The following PCDHGB5 variants were observed in gnomAD, a reference collection of about 807,000 sequenced individuals.
PCDHGB5 encodes protocadherin gamma-B5.
PCDHGB5 carries 48 observed loss-of-function variants against 62.9 expected under a neutral mutation model. The observed-to-expected ratio is 0.76, with a 90% CI of 0.61 to 0.97. The LOEUF is 0.97. Ranked by LOEUF, PCDHGB5 falls within the 50% of genes least tolerant of loss-of-function variation. The probability of loss-of-function intolerance (pLI) is 0.00; values close to 1 mark genes in which losing one functional copy is unlikely to be tolerated. For missense variants in PCDHGB5, 1,118 were observed against 1,198.6 expected, an observed-to-expected ratio of 0.93 and a Z score of 0.99; for synonymous variants, 474 against 511.2, an observed-to-expected ratio of 0.93 and a Z score of 0.98.
intron 1 of PCDHGB5, chr5:141,415,035 C>G (rs368588973): frequency 5.6e-6 from 9 of 1,613,578 alleles, no homozygotes; most frequent in South Asian, 1.1e-5. Context: ...AGCCGGGACT[C>G]TTCGCGGTGG....
In PCDHGB5 at chr5:141,490,679, A is replaced by C; in HGVS notation, c.2398-4128A>C. On this transcript the variant is annotated intron_variant, in intron 1 of 3. Coordinates refer to ENST00000617380, the MANE Select transcript of PCDHGB5 (RefSeq NM_018925.3). The surrounding 1 kb of genome is among the most constrained non-coding windows in gnomAD (Gnocchi z 5.4). ...CTTCTTTGCACTGTGGCTGCCTCAG[A>C]TCCAGACACTGGGGATAATGCCCGC... 6.2e-7 allele frequency: 1 copy of C among 1,614,164 alleles called. No individual in the cohort carries two copies. The highest frequency in any genetic ancestry group is 8.5e-7 in the Non-Finnish European group (1 of 1,180,034).
intron 1 of PCDHGB5, chr5:141,410,723 T>G: frequency 7.2e-7 from 1 of 1,391,168 alleles, no homozygotes; most frequent in Non-Finnish European, 9.6e-7. Context: ...ATGTTTAAAA[T>G]CCATAGCTTT....
At chr5:141,441,797 G>T in intron 1 of PCDHGB5, 1 of 386,536 alleles carries the variant, frequency 2.6e-6, no homozygotes, top group Non-Finnish European at 5.2e-6. Context: ...ACAACGCACC[G>T]CGGGTGCTGT....
intron 1 of PCDHGB5, among the ~76,000 whole-genome samples, chr5:141,448,476 G>A (rs1002358317): frequency 1.3e-5 from 2 of 151,976 alleles, no homozygotes; most frequent in African/African-American, 4.8e-5. Flanking sequence ...TTCCACCCTT[G>A]CTTCCTCCTG....
intron 1 of PCDHGB5, among the ~76,000 whole-genome samples, chr5:141,445,871 T>C (rs1318495005): frequency 6.6e-6 from 1 of 152,198 alleles, no homozygotes; most frequent in Non-Finnish European, 1.5e-5. Context: ...TTGTTCTAAA[T>C]ACCCTTGTAC....
Position 141,476,667 on chromosome 5 carries a change from T to C in PCDHGB5, c.2398-18140T>C. 6.2e-7 allele frequency: 1 copy of C among 1,614,234 alleles called. No individual in the cohort carries two copies. Among genetic ancestry groups the C allele is most frequent in the Non-Finnish European group, 8.5e-7 (1 of 1,180,042 alleles). ...CGAAATGAATACTTTGCGCTTCGCG[T>C]GCAGACGCGGGAGGACAGCACCAAG... On this transcript the variant is annotated intron_variant, in intron 1 of 3. Transcript: ENST00000617380. The surrounding 1 kb of genome is among the most constrained non-coding windows in gnomAD (Gnocchi z 7.6).
In PCDHGB5 at chr5:141,432,469, C is replaced by A; in HGVS notation, c.2397+31945C>A. On this transcript the variant is annotated intron_variant, in intron 1 of 3. Coordinates refer to ENST00000617380, the MANE Select transcript of PCDHGB5 (RefSeq NM_018925.3). The surrounding 1 kb of genome is among the most constrained non-coding windows in gnomAD (Gnocchi z 6.0). ...TCCTGTACCCCGCCCTCCCCACGGA[C>A]GGTTCCACTGGCGTGGAGCTGGCTC... 6.2e-7 allele frequency: 1 copy of A among 1,614,218 alleles called. No individual in the cohort carries two copies.
At chr5:141,506,092 G>A (rs1595997534) in intron 3 of PCDHGB5, among the ~76,000 whole-genome samples, 1 of 152,142 alleles carries the variant, frequency 6.6e-6, no homozygotes, top group Admixed American at 6.6e-5. Flanking sequence ...TTCGGCTAGT[G>A]GTGGTTGTCC....
chr5:141,431,189 G>A lies in PCDHGB5; in HGVS notation c.2397+30665G>A. 2 of 1,614,208 alleles carry A rather than the reference G, an allele frequency of 1.2e-6. No homozygotes were observed. The highest frequency in any genetic ancestry group is 1.7e-6 in the Non-Finnish European group (2 of 1,180,036). On this transcript the variant is annotated intron_variant, in intron 1 of 3. Transcript: ENST00000617380. This position sits in a 1 kb window ranked among gnomAD's most constrained non-coding sequence, Gnocchi z 4.8. ...AAGTGAATTAGAAATAAAAATTAGT[G>A]AAAATGCAGCCACTGAGATGCGGTT...
intron 1 of PCDHGB5, chr5:141,404,821 A>C: frequency 6.2e-7 from 1 of 1,613,788 alleles, no homozygotes; most frequent in Non-Finnish European, 8.5e-7. Flanking sequence ...GGCTGCACAC[A>C]GGTGAAGTGC....
chr5:141,420,004 G>C (rs768411058), intron 1 of PCDHGB5: 4 of 1,614,084 alleles, frequency 2.5e-6, no homozygotes, highest in Non-Finnish European at 3.4e-6. Flanking sequence ...CTCTACGCCT[G>C]CGACAGTCTT....
Position 141,485,064 on chromosome 5 carries a change from G to C in PCDHGB5, c.2398-9743G>C, listed in dbSNP as rs1205637757. On this transcript the variant is annotated intron_variant, in intron 1 of 3. Transcript: ENST00000617380. The surrounding 1 kb of genome is among the most constrained non-coding windows in gnomAD (Gnocchi z 5.7). ...TTGCGGCGCCGGCCGAACCGCGCCA[G>C]AGCTGGCGCGGGGAAAGGGAGATAG... The C allele has an allele frequency of 4.9e-5, 43 of 882,320 alleles. No individual in the cohort carries two copies. The highest frequency in any genetic ancestry group is 7.4e-5 in the Non-Finnish European group (41 of 557,230). 54.7% of individuals were successfully genotyped at this position (882,320 alleles called of 1,614,324 possible).
intron 1 of PCDHGB5, chr5:141,428,054 G>A (rs763394113): frequency 6.2e-7 from 1 of 1,609,038 alleles, no homozygotes; most frequent in Admixed American, 1.7e-5. Context: ...CCAAGGTGGT[G>A]GCGGTGGACG....
chr5:141,477,878 C>A lies in PCDHGB5; in HGVS notation c.2398-16929C>A. ...GCTGCCTCGAGGTACCTCAGCTGGC[C>A]ACCTAGTGTCACGGGTGGTAGGCTG... is the stretch of plus-strand genomic sequence containing the variant. On this transcript the variant is annotated intron_variant, in intron 1 of 3. Transcript: ENST00000617380. The surrounding 1 kb of genome is among the most constrained non-coding windows in gnomAD (Gnocchi z 4.9). 1.2e-6 allele frequency: 2 copies of A among 1,614,158 alleles called. No individual in the cohort carries two copies. Among genetic ancestry groups the A allele is most frequent in the Non-Finnish European group, 1.7e-6 (2 of 1,180,008 alleles).
chr5:141,427,381 T>G (rs1315804574), intron 1 of PCDHGB5: 1 of 458,822 alleles, frequency 2.2e-6, no homozygotes, highest in Middle Eastern at 3.2e-4. Context: ...GTGATCACTC[T>G]GTTCAAAACA....
At chr5:141,470,428 T>A (rs974038419) in intron 1 of PCDHGB5, among the ~76,000 whole-genome samples, 1 of 152,254 alleles carries the variant, frequency 6.6e-6, no homozygotes, top group Non-Finnish European at 1.5e-5. Flanking sequence ...TTTTTCCTTG[T>A]GTGCAATAAT....
At chr5:141,415,288 T>C in intron 1 of PCDHGB5, 6 of 1,614,202 alleles carry the variant, frequency 3.7e-6, no homozygotes, top group Non-Finnish European at 5.1e-6. Flanking sequence ...GGCCGCGGTC[T>C]CCTGCGTCTT....
At chr5:141,403,546 C>A (rs62378450) in intron 1 of PCDHGB5, 1 of 1,613,984 alleles carries the variant, frequency 6.2e-7, no homozygotes, top group South Asian at 1.1e-5. Flanking sequence ...TGCTGGAGCG[C>A]GCCCTGGACA....
intron 1 of PCDHGB5, chr5:141,419,030 C>G (rs1178461733): frequency 5.0e-6 from 8 of 1,613,768 alleles, no homozygotes; most frequent in Non-Finnish European, 6.8e-6. Context: ...TAGAGGTGTT[C>G]CATTTAAGAT....
Sources: gnomAD v4.1 joint callset for allele counts (sites outside exome capture counted in the v4.1 genomes callset) on GRCh38, gnomAD v4.1.1 for gene constraint, Gnocchi (gnomAD v3.1) non-coding constraint, MANE v1.5 for transcripts, NCBI Gene and HGNC (gene_info 2026-07-23, HGNC 2026-07-21) for gene names.